Variants in FMN1 observed in about 807,000 individuals in gnomAD.
FMN1 encodes the protein formin-1.
In FMN1, 110 loss-of-function variants were observed where a neutral mutation model predicts 132.4. The ratio of observed to expected loss-of-function variants is 0.83; its 90% CI spans 0.71 to 0.97. The LOEUF (loss-of-function observed/expected upper bound fraction) is 0.97, where lower values mean the gene tolerates loss of function less well. Ranked by LOEUF, FMN1 falls within the 50% of genes least tolerant of loss-of-function variation. The pLI is 0.00. For synonymous variants in FMN1, 722 were observed against 651.7 expected, an observed-to-expected ratio of 1.11 and a Z score of -1.64; for missense variants, 1,792 against 1,705.3, an observed-to-expected ratio of 1.05 and a Z score of -0.90.
At chr15:33,060,300 A>T (rs150763511) in intron 6 of FMN1, among the ~76,000 whole-genome samples, 2,865 of 152,364 alleles carry the variant, frequency 0.019, 59 homozygotes, top group South Asian at 0.092. Flanking sequence ...TGCAGAAATT[A>T]AAACTCAAAT....
chr15:32,967,896 C>T lies in FMN1; in HGVS notation c.2987+818G>A, dbSNP rs2031393004. The stretch of plus-strand genomic sequence containing the variant: ...TGTGTCCTATATTTGCTGTCCTTTA[C>T]AAACAAACTTTAAAGGAGAAAGTGG... On this transcript the variant is annotated intron_variant, in intron 8 of 20. Coordinates refer to ENST00000616417, the MANE Select transcript of FMN1 (RefSeq NM_001277313.2). Among the ~76,000 whole-genome samples, 5 of 152,352 alleles carry T rather than the reference C, an allele frequency of 3.3e-5. No individual in the cohort carries two copies. In the South Asian group the frequency reaches 1.0e-3, roughly 32 times the overall value.
chr15:33,080,413 C>CT (rs1427824264), intron 5 of FMN1, among the ~76,000 whole-genome samples: 2 of 152,170 alleles, frequency 1.3e-5, no homozygotes, highest in Non-Finnish European at 2.9e-5. Context: ...AACCACTAGA[C>CT]ACCCCCTCAC....
chr15:32,857,611 A>T (rs1201490502), intron 16 of FMN1, among the ~76,000 whole-genome samples: 1 of 152,162 alleles, frequency 6.6e-6, no homozygotes, highest in Non-Finnish European at 1.5e-5. Flanking sequence ...GAGAACTAAG[A>T]CCAGGTCGGG....
rs1021762920 is a variant in FMN1 at position 32,942,450 on chromosome 15, T to G, written c.3139-16189A>C. Among the ~76,000 whole-genome samples the G allele has an allele frequency of 1.3e-5, 2 of 152,214 alleles. 1 individual carries two copies. The highest frequency in any genetic ancestry group is 1.3e-4 in the Admixed American group (2 of 15,284). ...CACTGTATATCTTCGGCTTTCTGCC[T>G]GAGCTTGGCAGACAGGGCCAAAAAT... On this transcript the variant is annotated intron_variant, in intron 9 of 20. Transcript: ENST00000616417.
chr15:32,775,675 C>T (rs957864433), intron 20 of FMN1, among the ~76,000 whole-genome samples: 1 of 152,192 alleles, frequency 6.6e-6, no homozygotes, highest in Admixed American at 6.5e-5. Context: ...AAGTATAGCC[C>T]GGACTTCTCC....
At chr15:33,166,985 G>A (rs1965134281) in intron 3 of FMN1, among the ~76,000 whole-genome samples, 1 of 152,126 alleles carries the variant, frequency 6.6e-6, no homozygotes, top group Admixed American at 6.5e-5. Flanking sequence ...CAAGGGGCAG[G>A]AAGATAGCAA....
intron 19 of FMN1, among the ~76,000 whole-genome samples, chr15:32,792,467 C>CA (rs35970344): frequency 0.23 from 33,777 of 148,494 alleles, 3,948 homozygotes; most frequent in South Asian, 0.32. Context: ...AACAAACAAA[C>CA]AAAAAAAACC....
intron 19 of FMN1, among the ~76,000 whole-genome samples, chr15:32,796,510 T>C (rs1297382791): frequency 6.6e-6 from 1 of 152,242 alleles, no homozygotes; most frequent in Non-Finnish European, 1.5e-5. Context: ...TGATGTTTAG[T>C]GTTGTTGGGA....
intron 4 of FMN1, among the ~76,000 whole-genome samples, chr15:33,111,663 A>G (rs1270137959): frequency 1.3e-5 from 2 of 152,198 alleles, no homozygotes; most frequent in Admixed American, 6.6e-5. Flanking sequence ...TCTCAAAAAC[A>G]TGCTAAGTAG....
At chr15:33,114,979 C>G (rs2039858730) in intron 4 of FMN1, among the ~76,000 whole-genome samples, 1 of 152,116 alleles carries the variant, frequency 6.6e-6, no homozygotes, top group Non-Finnish European at 1.5e-5. Flanking sequence ...ATAAACTGAC[C>G]TGCACTGATC....
chr15:33,026,984 G>C (rs891359617), intron 6 of FMN1, among the ~76,000 whole-genome samples: 11 of 152,154 alleles, frequency 7.2e-5, no homozygotes, highest in African/African-American at 2.7e-4. Context: ...CAAAATTTAA[G>C]ATCTGAATTT....
intron 4 of FMN1, among the ~76,000 whole-genome samples, chr15:33,107,071 T>A (rs1409280044): frequency 6.6e-6 from 1 of 152,062 alleles, no homozygotes; most frequent in African/African-American, 2.4e-5. Flanking sequence ...ACTTTGTTCT[T>A]CCCCCAGTCT....
chr15:32,949,447 T>G (rs1292197709), intron 9 of FMN1, among the ~76,000 whole-genome samples: 1 of 152,016 alleles, frequency 6.6e-6, no homozygotes, highest in Non-Finnish European at 1.5e-5. Flanking sequence ...AAACAAGCAA[T>G]AGAGAAAGAA....
intron 4 of FMN1, among the ~76,000 whole-genome samples, chr15:33,127,796 C>T (rs1963242066): frequency 6.6e-6 from 1 of 152,178 alleles, no homozygotes; most frequent in Non-Finnish European, 1.5e-5. Flanking sequence ...CTACATCTTG[C>T]CACACATCCA....
intron 5 of FMN1, among the ~76,000 whole-genome samples, 153 bp downstream of exon 5, chr15:33,088,646 G>A (rs570619033): frequency 6.6e-6 from 1 of 152,250 alleles, no homozygotes; most frequent in Admixed American, 6.5e-5. Flanking sequence ...TCACCAAGAT[G>A]CATCTTCATT....
chr15:32,895,950 G>A (rs2060144506), intron 15 of FMN1, among the ~76,000 whole-genome samples: 1 of 151,970 alleles, frequency 6.6e-6, no homozygotes, highest in African/African-American at 2.4e-5. Flanking sequence ...ACTTCGAAAG[G>A]ATTTTGCTAC....
chr15:32,835,478 A>G (rs558137415), intron 17 of FMN1, among the ~76,000 whole-genome samples: 1 of 152,286 alleles, frequency 6.6e-6, no homozygotes, highest in Non-Finnish European at 1.5e-5. Context: ...CCAATTTCCA[A>G]ACCAAAGATG....
chr15:33,126,371 A>G (rs1963069089), intron 4 of FMN1, among the ~76,000 whole-genome samples: 1 of 152,204 alleles, frequency 6.6e-6, no homozygotes, highest in Non-Finnish European at 1.5e-5. Flanking sequence ...CCAGCAGAGC[A>G]GCACGCAGTG....
At chr15:32,895,479 CA>C (rs2060131322) in intron 15 of FMN1, among the ~76,000 whole-genome samples, 2 of 152,026 alleles carry the variant, frequency 1.3e-5, no homozygotes, top group Non-Finnish European at 2.9e-5. Flanking sequence ...AAGCACATGG[CA>C]TCTTTATGTG....
Sources: gnomAD v4.1 joint callset for allele counts (sites outside exome capture counted in the v4.1 genomes callset) on GRCh38, gnomAD v4.1.1 for gene constraint, MANE v1.5 for transcripts, NCBI Gene and HGNC (gene_info 2026-07-23, HGNC 2026-07-21) for gene names.